The following PCDHGB7 variants were observed in gnomAD, a reference collection of about 807,000 sequenced individuals.
The protein encoded by PCDHGB7 is protocadherin gamma-B7.
PCDHGB7 carries 37 observed loss-of-function variants against 61.4 expected under a neutral mutation model. That is an observed-to-expected ratio of 0.60 (90% confidence interval 0.46 to 0.79). The LOEUF (loss-of-function observed/expected upper bound fraction) is 0.79. PCDHGB7 is among the 30% of genes least tolerant of loss of function. The probability of loss-of-function intolerance (pLI) is 0.00; values close to 1 mark genes in which losing one functional copy is unlikely to be tolerated. For missense variants in PCDHGB7, 1,166 were observed against 1,202.5 expected (o/e 0.97, Z 0.45); for synonymous variants, 464 against 503.5 (o/e 0.92, Z 1.05).
intron 1 of PCDHGB7, chr5:141,492,046 A>C: frequency 6.1e-6 from 3 of 494,434 alleles, no homozygotes; most frequent in South Asian, 8.1e-5. Flanking sequence ...TCACAGATCC[A>C]CCCCTGCAGC....
chr5:141,439,117 C>T (rs1219829519), intron 1 of PCDHGB7, among the ~76,000 whole-genome samples: 6 of 150,696 alleles, frequency 4.0e-5, no homozygotes, highest in African/African-American at 7.3e-5. Context: ...CACTTGAACC[C>T]GGGAGACAGA....
intron 1 of PCDHGB7, among the ~76,000 whole-genome samples, chr5:141,466,916 GT>G (rs1204028461): frequency 6.6e-6 from 1 of 152,010 alleles, no homozygotes; most frequent in Non-Finnish European, 1.5e-5. Context: ...AAAACTCCTT[GT>G]ATTAGGAATA....
At chr5:141,438,635 T>TAC (rs56854727) in intron 1 of PCDHGB7, among the ~76,000 whole-genome samples, 5 of 33,422 alleles carry the variant, frequency 1.5e-4, no homozygotes, top group Admixed American at 8.3e-4. Flanking sequence ...TATATATATA[T>TAC]ACACACACAC....
Position 141,487,399 on chromosome 5 carries a change from G to T in PCDHGB7, c.2416-7408G>T, listed in dbSNP as rs749826036. 6.2e-7 allele frequency: 1 copy of T among 1,614,140 alleles called. No individual in the cohort carries two copies. The highest frequency in any genetic ancestry group is 8.5e-7 in the Non-Finnish European group (1 of 1,180,014). ...TCACCAGATCTCGAAGGAGGGAGGG[G>T]CTTCCCCCTTCCAATGGGATCCTCC... On this transcript the variant is annotated intron_variant, in intron 1 of 3. Transcript: ENST00000398594. The surrounding 1 kb of genome is among the most constrained non-coding windows in gnomAD (Gnocchi z 5.0).
chr5:141,463,142 C>T (rs1229364880), intron 1 of PCDHGB7, among the ~76,000 whole-genome samples: 1 of 152,160 alleles, frequency 6.6e-6, no homozygotes, highest in Non-Finnish European at 1.5e-5. Context: ...CTTCGCCCAG[C>T]TGCAGAAAAG....
At chr5:141,421,148 G>A (rs1334539595) in intron 1 of PCDHGB7, 2 of 1,056,062 alleles carry the variant, frequency 1.9e-6, no homozygotes, top group African/African-American at 1.6e-5. Context: ...GATGTAGTCG[G>A]CCTAGGACTT....
rs777761385 is a variant in PCDHGB7 at position 141,489,558 on chromosome 5, G to T, written c.2416-5249G>T. 1.1e-5 allele frequency: 17 copies of T among 1,614,130 alleles called. No homozygotes were observed. In the South Asian group the frequency reaches 1.8e-4, roughly 17 times the overall value. On this transcript the variant is annotated intron_variant, in intron 1 of 3. Coordinates refer to ENST00000398594, the MANE Select transcript of PCDHGB7 (RefSeq NM_018927.4). The surrounding 1 kb of genome is among the most constrained non-coding windows in gnomAD (Gnocchi z 4.5). Reference sequence around the variant, plus strand: ...CCAGCACCAGCTGCCTGCTGCCAGTGCAGGTGGTGACTGAACACCCCCTGG... The same window carrying T: ...CCAGCACCAGCTGCCTGCTGCCAGTTCAGGTGGTGACTGAACACCCCCTGG...
chr5:141,465,240 G>C (rs569146939), intron 1 of PCDHGB7, among the ~76,000 whole-genome samples: 22 of 152,168 alleles, frequency 1.4e-4, no homozygotes, highest in African/African-American at 5.3e-4. Flanking sequence ...TCAAGTTCAA[G>C]GCACTTTTGT....
Position 141,484,782 on chromosome 5 carries a change from C to A in PCDHGB7, c.2416-10025C>A, listed in dbSNP as rs572593816. 2.0e-5 allele frequency among the ~76,000 whole-genome samples: 3 copies of A among 152,066 alleles called. No homozygotes were observed. In the South Asian group the frequency reaches 6.3e-4, roughly 32 times the overall value. On this transcript the variant is annotated intron_variant, in intron 1 of 3. Transcript: ENST00000398594. Reference sequence around the variant, plus strand: ...TATATATATGTTGTCTGCCTCCCCACAGAGATAACAACCCGTGGAAAAACA... The same window carrying A: ...TATATATATGTTGTCTGCCTCCCCAAAGAGATAACAACCCGTGGAAAAACA...
chr5:141,431,974 CA>C lies in PCDHGB7; in HGVS notation c.2415+11701del, dbSNP rs1419355804. The C allele has an allele frequency of 1.2e-6, 2 of 1,614,174 alleles. No individual in the cohort carries two copies. The highest frequency in any genetic ancestry group is 1.3e-5 in the African/African-American group (1 of 75,058). On this transcript the variant is annotated intron_variant, in intron 1 of 3. Transcript: ENST00000398594. This position sits in a 1 kb window ranked among gnomAD's most constrained non-coding sequence, Gnocchi z 4.8. ...CTTACGGAAATTACTATAGTTTAGT[CA>C]CAGACATAGTCTTGGATAGGGAACA... is the stretch of plus-strand genomic sequence containing the variant.
In PCDHGB7 at chr5:141,512,009, CAAGTT is replaced by C. The variant is rs1409890580; in HGVS notation, c.*838_*842del. On this transcript the variant is annotated 3_prime_UTR_variant, in exon 4 of 4. Transcript: ENST00000398594. ...GGGGCATGGACAAAGCTTGACACATCAAGTTATCAAGGCCTTGGAGGAGGCTCTGT... is the reference window on the plus strand; with the variant it reads ...GGGGCATGGACAAAGCTTGACACATCATCAAGGCCTTGGAGGAGGCTCTGT... 1 of 153,074 alleles carries C rather than the reference CAAGTT, an allele frequency of 6.5e-6. No individual in the cohort carries two copies. The highest frequency in any genetic ancestry group is 1.9e-4 in the East Asian group (1 of 5,182). 9.5% of individuals were successfully genotyped at this position (153,074 alleles called of 1,614,324 possible).
intron 1 of PCDHGB7, among the ~76,000 whole-genome samples, chr5:141,482,079 C>A (rs2099551704): frequency 8.4e-6 from 1 of 119,308 alleles, no homozygotes; most frequent in African/African-American, 3.8e-5. Context: ...GAACAAAACT[C>A]ACTCCATCTC....
In PCDHGB7 at chr5:141,489,185, T is replaced by G; in HGVS notation, c.2416-5622T>G. The G allele has an allele frequency of 7.8e-7, 1 of 1,286,838 alleles. No individual in the cohort carries two copies. The highest frequency in any genetic ancestry group is 1.5e-5 in the African/African-American group (1 of 67,216). 79.7% of individuals were successfully genotyped at this position (1,286,838 alleles called of 1,614,324 possible). On this transcript the variant is annotated intron_variant, in intron 1 of 3. Transcript: ENST00000398594. The surrounding 1 kb of genome is among the most constrained non-coding windows in gnomAD (Gnocchi z 4.5). The stretch of plus-strand genomic sequence containing the variant: ...CAGCTGCTGCATTCCAAGCCCTGGG[T>G]CTACCTTGGAGACAGGACAGCACAG...
intron 3 of PCDHGB7, among the ~76,000 whole-genome samples, chr5:141,506,904 C>T (rs55892286): frequency 0.2 from 30,589 of 152,050 alleles, 3,131 homozygotes; most frequent in Middle Eastern, 0.24. Flanking sequence ...ACTGTCATCA[C>T]ACCTGGGCAC....
intron 1 of PCDHGB7, among the ~76,000 whole-genome samples, chr5:141,462,399 T>C (rs2099038838): frequency 6.6e-6 from 1 of 152,236 alleles, no homozygotes; most frequent in South Asian, 2.1e-4. Flanking sequence ...ATTTCTTTTA[T>C]GGCACAGAAT....
At position 141,490,938 on chromosome 5, in the gene PCDHGB7, C is replaced by T. The variant is rs2099706179; in HGVS notation, c.2416-3869C>T. ...ATGATAATGCCCCAGCTGTGCTGCA[C>T]CCACGGCCAGACTGGGAACACTCAG... On this transcript the variant is annotated intron_variant, in intron 1 of 3. Coordinates refer to ENST00000398594, the MANE Select transcript of PCDHGB7 (RefSeq NM_018927.4). This position sits in a 1 kb window ranked among gnomAD's most constrained non-coding sequence, Gnocchi z 5.4. 6.2e-7 allele frequency: 1 copy of T among 1,613,554 alleles called. No homozygotes were observed. Among genetic ancestry groups the T allele is most frequent in the African/African-American group, 1.3e-5 (1 of 74,934 alleles).
intron 1 of PCDHGB7, chr5:141,423,241 G>C: frequency 6.2e-7 from 1 of 1,613,954 alleles, no homozygotes; most frequent in Non-Finnish European, 8.5e-7. Context: ...CATCCCCGAA[G>C]TCCTGGCGGA....
rs1176011355 is a variant in PCDHGB7, at chr5:141,485,491, G to C, written c.2416-9316G>C. Reference sequence around the variant, plus strand: ...TCAGTGCCAGCTGCATCGTGCCCCTGGAGTTTGTCACCGAAGGTCCTTTGG... The same window carrying C: ...TCAGTGCCAGCTGCATCGTGCCCCTCGAGTTTGTCACCGAAGGTCCTTTGG... On this transcript the variant is annotated intron_variant, in intron 1 of 3. Coordinates refer to ENST00000398594, the MANE Select transcript of PCDHGB7 (RefSeq NM_018927.4). This position sits in a 1 kb window ranked among gnomAD's most constrained non-coding sequence, Gnocchi z 5.7. 6.2e-7 allele frequency: 1 copy of C among 1,614,142 alleles called. No homozygotes were observed. The highest frequency in any genetic ancestry group is 1.3e-5 in the African/African-American group (1 of 75,018).
chr5:141,436,973 T>C (rs1209787552), intron 1 of PCDHGB7, among the ~76,000 whole-genome samples: 1 of 152,234 alleles, frequency 6.6e-6, no homozygotes, highest in Non-Finnish European at 1.5e-5. Context: ...TTGTGAAACT[T>C]ATTTTAAAGA....
Sources: gnomAD v4.1 joint callset for allele counts (sites outside exome capture counted in the v4.1 genomes callset) on GRCh38, gnomAD v4.1.1 for gene constraint, Gnocchi (gnomAD v3.1) non-coding constraint, MANE v1.5 for transcripts, NCBI Gene and HGNC (gene_info 2026-07-23, HGNC 2026-07-21) for gene names.